The following DHX15 variants were observed in gnomAD, a reference collection of about 807,000 sequenced individuals.
The protein encoded by DHX15 is ATP-dependent RNA helicase DHX15.
In DHX15, 11 loss-of-function variants were observed where a neutral mutation model predicts 94.4. The ratio of observed to expected loss-of-function variants is 0.12; its 90% CI spans 0.07 to 0.19. The LOEUF (loss-of-function observed/expected upper bound fraction) is 0.19, where lower values mean the gene tolerates loss of function less well. Among genes scored for constraint, DHX15 ranks in the 10% least tolerant of loss-of-function variants. The probability of loss-of-function intolerance (pLI) is 1.00; values close to 1 mark genes in which losing one functional copy is unlikely to be tolerated. For missense variants in DHX15, 304 were observed against 988.5 expected (o/e 0.31, Z 9.29); for synonymous variants, 338 against 329.9 (o/e 1.02, Z -0.27).
chr4:24,532,320 T>A (rs769798072), intron 12 of DHX15, among the ~76,000 whole-genome samples: 3 of 152,224 alleles, frequency 2.0e-5, no homozygotes, highest in Non-Finnish European at 4.4e-5. Context: ...TTGGTCATAA[T>A]TACCAATGAT....
intron 11 of DHX15, among the ~76,000 whole-genome samples, chr4:24,535,270 G>T (rs993685412): frequency 1.3e-5 from 2 of 152,134 alleles, no homozygotes; most frequent in African/African-American, 4.8e-5. Context: ...TTTTGATGTA[G>T]AAAGTAGTAT....
intron 13 of DHX15, 27 bp downstream of exon 13, chr4:24,529,574 A>T (rs1193266683): frequency 6.2e-7 from 1 of 1,606,566 alleles, no homozygotes; most frequent in Non-Finnish European, 8.5e-7. Context: ...ACTAACAAAA[A>T]ACTGTTAGAA....
chr4:24,534,919 G>A (rs1159532143), intron 11 of DHX15, among the ~76,000 whole-genome samples: 5 of 148,994 alleles, frequency 3.4e-5, no homozygotes, highest in African/African-American at 7.4e-5. Context: ...TGGATATATC[G>A]AAATAATAAC....
intron 1 of DHX15, among the ~76,000 whole-genome samples, chr4:24,582,455 T>G (rs78895883): frequency 0.012 from 1,872 of 152,380 alleles, 24 homozygotes; most frequent in Admixed American, 0.018. Context: ...ATGGTGCACA[T>G]ATGCACAAAT....
chr4:24,528,067 T>A (rs1720998434), intron 13 of DHX15, 26 bp from the exon 14 acceptor site: 1 of 1,548,806 alleles, frequency 6.5e-7, no homozygotes. Context: ...CAGAAAAATT[T>A]CCAAATTAAC....
chr4:24,572,321 A>C (rs1722141620), intron 2 of DHX15, among the ~76,000 whole-genome samples: 1 of 152,126 alleles, frequency 6.6e-6, no homozygotes, highest in Non-Finnish European at 1.5e-5. Context: ...TTTTTAGTAG[A>C]GACAGGGTTT....
chr4:24,537,253 G>A lies in DHX15; in HGVS notation c.1787-80C>T. 1 of 1,586,062 alleles carries A rather than the reference G, an allele frequency of 6.3e-7. No individual in the cohort carries two copies. Among genetic ancestry groups the A allele is most frequent in the Non-Finnish European group, 8.6e-7 (1 of 1,163,848 alleles). On this transcript the variant is annotated intron_variant, in intron 10 of 13. Transcript: ENST00000336812. This position sits in a 1 kb window ranked among gnomAD's most constrained non-coding sequence, Gnocchi z 4.7. ...TTCACAGATAGAGGAACAAGGCCTA[G>A]CTAGGTCAGTTCACAGAGCATAGGG...
In DHX15 at chr4:24,540,990, C is replaced by T. The variant is rs1287965074; in HGVS notation, c.1486-42G>A. ...ACATTTATTGGTTATGTTAAAAATG[C>T]CTCAGTCTCCTCGTTCCAGAAAACA... On this transcript the variant is annotated intron_variant, in intron 8 of 13. Transcript: ENST00000336812. 2.0e-5 allele frequency: 25 copies of T among 1,258,140 alleles called. No individual in the cohort carries two copies. In the East Asian group the frequency reaches 5.4e-4, roughly 27 times the overall value. The allele number at this position is 1,258,140 out of a possible 1,614,324, so 77.9% of individuals were successfully genotyped here.
chr4:24,538,678 A>G (rs770528792), intron 10 of DHX15: 14 of 152,130 alleles, frequency 9.2e-5, no homozygotes, highest in Non-Finnish European at 1.6e-4. Context: ...ACATTGCTGC[A>G]CATAAATGCT....
At chr4:24,536,383 A>T (rs1052705232) in intron 11 of DHX15, among the ~76,000 whole-genome samples, 12 of 152,170 alleles carry the variant, frequency 7.9e-5, no homozygotes, top group Non-Finnish European at 1.5e-5. Flanking sequence ...TTCTGGGTCA[A>T]AGAGTATACA....
Position 24,540,800 on chromosome 4 carries a change from G to A in DHX15, c.1594+40C>T, listed in dbSNP as rs985577409. 2 of 1,179,320 alleles carry A rather than the reference G, an allele frequency of 1.7e-6. 1 individual carries two copies. Among genetic ancestry groups the A allele is most frequent in the Non-Finnish European group, 2.5e-6 (2 of 809,014 alleles). The allele number at this position is 1,179,320 out of a possible 1,614,324, so 73.1% of individuals were successfully genotyped here. ...AGAAAAACACTAAGAGTCAATTTTG[G>A]TTAAAAGATCTGATAAAAATGTGTT... On this transcript the variant is annotated intron_variant, in intron 9 of 13. Transcript: ENST00000336812.
chr4:24,581,021 AT>A (rs1316882049), intron 1 of DHX15: 11 of 150,524 alleles, frequency 7.3e-5, no homozygotes, highest in Admixed American at 7.3e-4. Flanking sequence ...CAGTCAATCT[AT>A]TTATTTTTTA....
At chr4:24,529,182 T>C (rs926903523) in intron 13 of DHX15, among the ~76,000 whole-genome samples, 2 of 152,126 alleles carry the variant, frequency 1.3e-5, no homozygotes, top group African/African-American at 4.8e-5. Flanking sequence ...AGCACCACCA[T>C]GCCCAGCTAA....
intron 3 of DHX15, chr4:24,563,186 A>T (rs928445306): frequency 1.3e-4 from 19 of 151,780 alleles, no homozygotes; most frequent in Non-Finnish European, 2.5e-4. Flanking sequence ...GTATGTATAT[A>T]TTTTAAAGAG....
chr4:24,557,634 T>C (rs1721765845), intron 3 of DHX15, among the ~76,000 whole-genome samples: 1 of 152,178 alleles, frequency 6.6e-6, no homozygotes. Context: ...TGGTCATATT[T>C]TTAAAAATAA....
chr4:24,551,338 C>T lies in DHX15; in HGVS notation c.1081-2316G>A, dbSNP rs375718108. Among the ~76,000 whole-genome samples the T allele has an allele frequency of 2.6e-3, 395 of 152,058 alleles. 1 individual carries two copies. Among genetic ancestry groups the T allele is most frequent in the African/African-American group, 8.9e-3 (369 of 41,468 alleles). Reference sequence around the variant, plus strand: ...TTTTTCAAAGGACAATGATACTAAACGGTGAGGAAGAATTTTAGGACATTT... The same window carrying T: ...TTTTTCAAAGGACAATGATACTAAATGGTGAGGAAGAATTTTAGGACATTT... On this transcript the variant is annotated intron_variant, in intron 5 of 13. Transcript: ENST00000336812.
At chr4:24,535,928 A>G (rs1721187660) in intron 11 of DHX15, among the ~76,000 whole-genome samples, 3 of 152,180 alleles carry the variant, frequency 2.0e-5, no homozygotes, top group Non-Finnish European at 2.9e-5. Flanking sequence ...TAAGAAACCA[A>G]TTTCTCATGA....
chr4:24,528,708 A>T (rs912048755), intron 13 of DHX15, among the ~76,000 whole-genome samples: 3 of 152,202 alleles, frequency 2.0e-5, no homozygotes, highest in African/African-American at 7.2e-5. Flanking sequence ...GGCATAAATA[A>T]AACAAAAAAC....
chr4:24,535,199 G>A (rs1176464710), intron 11 of DHX15, among the ~76,000 whole-genome samples: 2 of 152,158 alleles, frequency 1.3e-5, no homozygotes, highest in East Asian at 1.9e-4. Flanking sequence ...TTGTTTACAG[G>A]CCACTTGTAG....
Sources: allele counts gnomAD v4.1 joint callset (sites outside exome capture counted in the v4.1 genomes callset), GRCh38; gene constraint gnomAD v4.1.1; non-coding constraint Gnocchi (gnomAD v3.1); transcripts MANE v1.5; gene names NCBI Gene and HGNC (gene_info 2026-07-23, HGNC 2026-07-21).